The following MARK1 variants were observed in gnomAD, a reference collection of about 807,000 sequenced individuals.
MARK1 encodes the protein serine/threonine-protein kinase MARK1.
A neutral mutation model predicts 96.3 loss-of-function variants in MARK1; 40 were observed. The ratio of observed to expected loss-of-function variants is 0.42; its 90% CI spans 0.32 to 0.54. MARK1 has a LOEUF of 0.54. MARK1 is among the 20% of genes least tolerant of loss of function. The pLI is 0.16. For synonymous variants in MARK1, 317 were observed against 341.2 expected (o/e 0.93, Z 0.78); for missense variants, 719 against 984.6 (o/e 0.73, Z 3.61).
intron 13 of MARK1, among the ~76,000 whole-genome samples, chr1:220,642,650 G>A (rs752123519): frequency 6.6e-6 from 1 of 152,214 alleles, no homozygotes; most frequent in South Asian, 2.1e-4. Flanking sequence ...AAGGACGTCC[G>A]TGATACTGTG....
At chr1:220,636,252 A>G (rs1431825689) in intron 13 of MARK1, among the ~76,000 whole-genome samples, 13 of 152,200 alleles carry the variant, frequency 8.5e-5, no homozygotes, top group Admixed American at 2.6e-4. Context: ...AAAATGGTAC[A>G]TGAAACTTTC....
chr1:220,541,029 G>A (rs1359872357), intron 1 of MARK1, among the ~76,000 whole-genome samples: 1 of 151,832 alleles, frequency 6.6e-6, no homozygotes, highest in East Asian at 1.9e-4. Context: ...TGCTTCCTCG[G>A]TTCAAGTGAT....
At chr1:220,592,327 A>AGCC (rs1665052521) in intron 3 of MARK1, among the ~76,000 whole-genome samples, 1 of 151,754 alleles carries the variant, frequency 6.6e-6, no homozygotes, top group Non-Finnish European at 1.5e-5. Flanking sequence ...TAAGAAAGTA[A>AGCC]ATAGCCATGT....
At chr1:220,586,018 CGT>C (rs537372304) in intron 3 of MARK1, among the ~76,000 whole-genome samples, 1,728 of 150,894 alleles carry the variant, frequency 0.011, 31 homozygotes, top group African/African-American at 0.04. Context: ...CACACGCGCG[CGT>C]GCGCAGAGAG....
chr1:220,646,229 A>G (rs931107788), intron 13 of MARK1, among the ~76,000 whole-genome samples: 1 of 152,208 alleles, frequency 6.6e-6, no homozygotes, highest in African/African-American at 2.4e-5. Flanking sequence ...TACAAAATCA[A>G]TGTGCAGAAA....
At position 220,662,112 on chromosome 1, in the gene MARK1, A is replaced by G; in HGVS notation, c.2334A>G (p.Thr778=). The G allele has an allele frequency of 5.0e-6, 8 of 1,614,130 alleles. No individual in the cohort carries two copies. In the East Asian group the frequency reaches 6.7e-5, roughly 13 times the overall value. ...NGVRFKRISG[T]SIAFKNIASK... ...TTCGCTTCAAGCGAATATCTGGGAC[A>G]TCTATTGCCTTTAAGAACATTGCAT... is the stretch of plus-strand genomic sequence containing the variant. The change falls in exon 18 of 18, where the codon ACA becomes ACG. Residue 778 remains threonine, a synonymous_variant. Coordinates refer to ENST00000366917, the MANE Select transcript of MARK1 (RefSeq NM_018650.5).
chr1:220,611,144 G>T (rs890786944), intron 6 of MARK1, among the ~76,000 whole-genome samples: 2 of 152,192 alleles, frequency 1.3e-5, no homozygotes, highest in African/African-American at 2.4e-5. Context: ...TGCAGAAGTT[G>T]CCTGCTGCCT....
intron 5 of MARK1, 104 bp downstream of exon 5, chr1:220,599,967 A>G (rs1250055462): frequency 4.7e-6 from 3 of 644,314 alleles, no homozygotes; most frequent in Non-Finnish European, 7.5e-6. Context: ...TAATGAATCT[A>G]TTGTTTTATC....
intron 3 of MARK1, among the ~76,000 whole-genome samples, chr1:220,592,181 A>G (rs1163553787): frequency 6.7e-6 from 1 of 150,372 alleles, no homozygotes; most frequent in Non-Finnish European, 1.5e-5. Flanking sequence ...CCAATGCAAT[A>G]GGGAAAAGGT....
intron 6 of MARK1, among the ~76,000 whole-genome samples, chr1:220,614,285 T>G (rs991601993): frequency 3.3e-5 from 5 of 152,106 alleles, no homozygotes; most frequent in African/African-American, 4.8e-5. Flanking sequence ...GTGCCGAGAT[T>G]ATAGGCATGA....
chr1:220,626,275 G>A (rs982398741), intron 9 of MARK1: 5 of 531,998 alleles, frequency 9.4e-6, no homozygotes, highest in South Asian at 3.0e-5. Context: ...TCACCACGGC[G>A]ATGGGATGGA....
intron 6 of MARK1, among the ~76,000 whole-genome samples, chr1:220,607,601 G>A (rs1171550216): frequency 1.3e-5 from 2 of 151,840 alleles, no homozygotes; most frequent in Admixed American, 1.3e-4. Context: ...TCGTGTGCCG[G>A]TTTTCAAAGG....
chr1:220,587,296 CCTT>C (rs1664692770), intron 3 of MARK1, among the ~76,000 whole-genome samples: 1 of 145,802 alleles, frequency 6.9e-6, no homozygotes, highest in East Asian at 2.0e-4. Flanking sequence ...TTCCTTCCTT[CCTT>C]CCTCCCTCCC....
chr1:220,622,276 G>T (rs1428850722), intron 9 of MARK1, among the ~76,000 whole-genome samples: 1 of 152,130 alleles, frequency 6.6e-6, no homozygotes, highest in Non-Finnish European at 1.5e-5. Context: ...GTTTAACCAA[G>T]ATGGACTATA....
At chr1:220,634,368 G>C (rs1195790674) in intron 11 of MARK1, among the ~76,000 whole-genome samples, 1 of 152,160 alleles carries the variant, frequency 6.6e-6, no homozygotes, top group Non-Finnish European at 1.5e-5. Flanking sequence ...TTCGGAGCCA[G>C]CTTCACTGGA....
intron 1 of MARK1, among the ~76,000 whole-genome samples, chr1:220,531,809 G>A (rs1214876548): frequency 1.3e-5 from 2 of 152,012 alleles, no homozygotes; most frequent in South Asian, 2.1e-4. Flanking sequence ...ACACTTTGTA[G>A]TAAAGTAAAA....
rs1572036050 is a variant in MARK1, at chr1:220,535,428, T to A, written c.51+6555T>A. 2.0e-5 allele frequency among the ~76,000 whole-genome samples: 3 copies of A among 152,136 alleles called. No individual in the cohort carries two copies. The South Asian group carries it at 6.2e-4, about 31-fold the overall frequency. ...TGCACATTTAAAAATCAAGTTTTTT[T>A]AAATCAAGTTTGCATATAGTTTTGC... On this transcript the variant is annotated intron_variant, in intron 1 of 17. Transcript: ENST00000366917.
intron 1 of MARK1, among the ~76,000 whole-genome samples, chr1:220,535,839 T>C (rs148626313): frequency 3.9e-5 from 6 of 152,294 alleles, no homozygotes; most frequent in Admixed American, 6.5e-5. Context: ...TGGGTTCATT[T>C]CTGAGCTCTC....
intron 13 of MARK1, among the ~76,000 whole-genome samples, chr1:220,649,983 C>T (rs1211933827): frequency 6.6e-6 from 1 of 152,124 alleles, no homozygotes; most frequent in Non-Finnish European, 1.5e-5. Context: ...ACCTGCCTAT[C>T]CCTTTTTGCT....
Sources: allele counts gnomAD v4.1 joint callset (sites outside exome capture counted in the v4.1 genomes callset), GRCh38; gene constraint gnomAD v4.1.1; transcripts MANE v1.5; gene names NCBI Gene and HGNC (gene_info 2026-07-23, HGNC 2026-07-21).